DSC3: variants seen among roughly 807,000 people sequenced by gnomAD.
DSC3 encodes the protein desmocollin-3.
In DSC3, 97 loss-of-function variants were observed where a neutral mutation model predicts 89.5. That is an observed-to-expected ratio of 1.08 (90% confidence interval 0.92 to 1.28). DSC3 has a LOEUF of 1.28. Among genes scored for constraint, DSC3 ranks in the 50% most tolerant of loss-of-function variants. DSC3 has a pLI of 0.00. For missense variants in DSC3, 1,199 were observed against 1,085.3 expected (o/e 1.10, Z -1.47); for synonymous variants, 436 against 384.1 (o/e 1.14, Z -1.58).
intron 14 of DSC3, 36 bp from the exon 15 acceptor site, chr18:30,997,084 G>A: frequency 1.2e-6 from 2 of 1,612,882 alleles, no homozygotes; most frequent in Non-Finnish European, 1.7e-6. Context: ...ATGTTGAGAG[G>A]AAATGGATTC....
At chr18:31,021,665 A>C (rs1283346888) in intron 7 of DSC3, among the ~76,000 whole-genome samples, 1 of 152,210 alleles carries the variant, frequency 6.6e-6, no homozygotes, top group Non-Finnish European at 1.5e-5. Flanking sequence ...ATAATGCATG[A>C]TTGCTGACAA....
In DSC3 at chr18:31,029,610, T is replaced by C. The variant is rs762621394; in HGVS notation, c.373A>G (p.Thr125Ala). 2 of 1,613,802 alleles carry C rather than the reference T, an allele frequency of 1.2e-6. No individual in the cohort carries two copies. The highest frequency in any genetic ancestry group is 1.1e-5 in the South Asian group (1 of 91,084). ...HQKKVSKTRHTRETVLRRAKR... is the reference protein window; with the variant it reads ...HQKKVSKTRHARETVLRRAKR... Reference sequence around the variant, plus strand: ...GCACGCCTGAGAACAGTTTCTCTAGTGTGTCTTGTCTTCGATACCTGAATT... The same window carrying C: ...GCACGCCTGAGAACAGTTTCTCTAGCGTGTCTTGTCTTCGATACCTGAATT... Residue 125 changes from threonine to alanine, a missense_variant, in exon 4 of 16, where the codon ACT (threonine) becomes GCT (alanine). Transcript: ENST00000360428.
chr18:31,029,716 C>T, intron 3 of DSC3, 88 bp from the exon 4 acceptor site: 1 of 1,550,284 alleles, frequency 6.5e-7, no homozygotes, highest in Non-Finnish European at 8.9e-7. Context: ...TAAACCTAAT[C>T]CTTCTTTGGA....
At chr18:31,037,489 T>C (rs1328006207) in intron 1 of DSC3, among the ~76,000 whole-genome samples, 2 of 152,224 alleles carry the variant, frequency 1.3e-5, no homozygotes, top group African/African-American at 4.8e-5. Context: ...TATGGATTTG[T>C]TTCTAACTTA....
intron 7 of DSC3, among the ~76,000 whole-genome samples, chr18:31,020,558 G>A (rs1024897622): frequency 6.6e-5 from 10 of 151,998 alleles, no homozygotes; most frequent in South Asian, 4.1e-4. Context: ...CGTTAGTCAC[G>A]CTTTCATTCT....
intron 9 of DSC3, among the ~76,000 whole-genome samples, chr18:31,009,473 T>C (rs147598202): frequency 3.3e-4 from 51 of 152,340 alleles, no homozygotes; most frequent in African/African-American, 1.2e-3. Flanking sequence ...GTCTTTTTGC[T>C]GGTTCCTTCA....
chr18:31,036,798 CTT>C (rs775187201), intron 1 of DSC3, among the ~76,000 whole-genome samples: 1 of 107,396 alleles, frequency 9.3e-6, no homozygotes. Context: ...TTCTTTCTTC[CTT>C]TTTTTTTTTT....
In DSC3 at chr18:30,994,233, A is replaced by G; in HGVS notation, c.2633T>C (p.Phe878Ser). 7.4e-6 allele frequency: 12 copies of G among 1,614,134 alleles called. No homozygotes were observed. The highest frequency in any genetic ancestry group is 9.3e-6 in the Non-Finnish European group (11 of 1,179,996). The stretch of plus-strand genomic sequence containing the variant: ...AAATTTGGGTTCCAAATTATTTAAA[A>G]AGTCAAGGCCATCTTCTTCCTGCTT... Reference protein sequence around the residue: ...SEKQEEDGLDFLNNLEPKFIT... With the variant: ...SEKQEEDGLDSLNNLEPKFIT... The change falls in exon 16 of 16, where the codon TTT (phenylalanine) becomes TCT (serine). Residue 878 changes from phenylalanine (F) to serine (S), a missense_variant. Physicochemically the swap from Phe to Ser is radical, Grantham distance 155. Coordinates refer to ENST00000360428, the MANE Select transcript of DSC3 (RefSeq NM_001941.5).
chr18:31,008,621 T>G (rs1304196145), intron 9 of DSC3, 96 bp from the exon 10 acceptor site: 15 of 1,480,916 alleles, frequency 1.0e-5, no homozygotes, highest in Admixed American at 1.7e-5. Flanking sequence ...CAGTGCTGCA[T>G]AAATTCTATG....
At chr18:30,999,100 G>T (rs1472356176) in intron 14 of DSC3, among the ~76,000 whole-genome samples, 2 of 152,110 alleles carry the variant, frequency 1.3e-5, no homozygotes, top group African/African-American at 4.8e-5. Context: ...TGAGCCATAG[G>T]ACAGAAGTTT....
chr18:31,022,396 G>C lies in DSC3; in HGVS notation c.882C>G (p.Leu294=), dbSNP rs763877207. ...ILQQTPRSPG[L]FSVHPSTGVI... ...CGCCTGTGCTGGGATGCACAGAAAA[G>C]AGCCCAGGTGACCTTGGTGTCTGCT... is the stretch of plus-strand genomic sequence containing the variant. Residue 294 remains leucine, a synonymous_variant, in exon 7 of 16, where the codon CTC becomes CTG. Transcript: ENST00000360428. The C allele has an allele frequency of 6.2e-7, 1 of 1,613,960 alleles. No homozygotes were observed. Among genetic ancestry groups the C allele is most frequent in the African/African-American group, 1.3e-5 (1 of 74,908 alleles).
chr18:31,006,352 G>T (rs536006840), intron 12 of DSC3, among the ~76,000 whole-genome samples: 1 of 151,514 alleles, frequency 6.6e-6, no homozygotes, highest in South Asian at 2.1e-4. Context: ...AGGCTGGAGT[G>T]CAGTGGCACC....
At position 31,032,609 on chromosome 18, in the gene DSC3, C is replaced by T. The variant is rs865970764; in HGVS notation, c.70-333G>A. The stretch of plus-strand genomic sequence containing the variant: ...GTGTGTGCGTGTGCGTGTGCGTGTG[C>T]GTGTGTGACTGAGTCTCACTCTATG... On this transcript the variant is annotated intron_variant, in intron 1 of 15. Transcript: ENST00000360428. 8.0e-3 allele frequency among the ~76,000 whole-genome samples: 817 copies of T among 102,690 alleles called. 9 individuals carry two copies. Among genetic ancestry groups the T allele is most frequent in the African/African-American group, 0.029 (784 of 26,948 alleles). 67.4% of individuals were successfully genotyped at this position (102,690 alleles called of 152,430 possible). A position where few individuals can be genotyped will look rare whatever the true frequency, so the allele number is the denominator to read the frequency against.
At chr18:31,007,593 G>A (rs12607553) in intron 11 of DSC3, among the ~76,000 whole-genome samples, 39,296 of 151,960 alleles carry the variant, frequency 0.26, 5,549 homozygotes, top group East Asian at 0.59. Context: ...TTATTTTAAT[G>A]TGAAGACAAG....
intron 9 of DSC3, among the ~76,000 whole-genome samples, chr18:31,014,446 T>G (rs1037744781): frequency 6.6e-6 from 1 of 152,112 alleles, no homozygotes; most frequent in Admixed American, 6.5e-5. Context: ...GTGAGACGTT[T>G]TACACCATGT....
At chr18:31,041,707 A>G (rs1986137258) in intron 1 of DSC3, among the ~76,000 whole-genome samples, 1 of 152,180 alleles carries the variant, frequency 6.6e-6, no homozygotes, top group East Asian at 1.9e-4. Context: ...GAACACTTCA[A>G]GTCTCCCGTG....
intron 9 of DSC3, among the ~76,000 whole-genome samples, chr18:31,009,154 G>A (rs1598535574): frequency 1.3e-5 from 2 of 152,180 alleles, no homozygotes; most frequent in South Asian, 4.1e-4. Flanking sequence ...TGGTTCAAGC[G>A]ATTCTCCTGC....
At chr18:31,013,617 C>T (rs1055727445) in intron 9 of DSC3, among the ~76,000 whole-genome samples, 1 of 152,070 alleles carries the variant, frequency 6.6e-6, no homozygotes, top group Non-Finnish European at 1.5e-5. Context: ...AGAAAGCTGG[C>T]TAAAAGACAG....
intron 9 of DSC3, among the ~76,000 whole-genome samples, chr18:31,009,071 A>AG (rs1423699206): frequency 6.6e-6 from 1 of 152,100 alleles, no homozygotes; most frequent in African/African-American, 2.4e-5. Context: ...TTTGAGACAG[A>AG]GTCTTGCCTC....
Sources: gnomAD v4.1 joint callset for allele counts (sites outside exome capture counted in the v4.1 genomes callset) on GRCh38, gnomAD v4.1.1 for gene constraint, MANE v1.5 for transcripts, NCBI Gene and HGNC (gene_info 2026-07-23, HGNC 2026-07-21) for gene names.